The following PAIP1 variants were observed in gnomAD, a reference collection of about 807,000 sequenced individuals.
The protein encoded by PAIP1 is polyadenylate-binding protein-interacting protein 1.
In PAIP1, 16 loss-of-function variants were observed where a neutral mutation model predicts 61.3. That is an observed-to-expected ratio of 0.26 (90% CI 0.18 to 0.40). PAIP1 has a LOEUF of 0.40. Among genes scored for constraint, PAIP1 ranks in the 10% least tolerant of loss-of-function variants. The pLI is 1.00. For missense variants in PAIP1, 416 were observed against 600.9 expected (o/e 0.69, Z 3.22); for synonymous variants, 187 against 226.2 (o/e 0.83, Z 1.56).
intron 4 of PAIP1, among the ~76,000 whole-genome samples, chr5:43,539,239 A>C (rs192350271): frequency 6.7e-6 from 1 of 149,180 alleles, no homozygotes; most frequent in East Asian, 2.0e-4. Flanking sequence ...CCAGTTTGAA[A>C]AAACTGATAG....
chr5:43,535,501 T>G, intron 7 of PAIP1, 33 bp downstream of exon 7: 1 of 1,144,870 alleles, frequency 8.7e-7, no homozygotes, highest in Non-Finnish European at 1.3e-6. Context: ...GAAATTGAGA[T>G]GCACTGGCTA....
chr5:43,550,246 G>C (rs1747808232), intron 2 of PAIP1, among the ~76,000 whole-genome samples: 2 of 152,100 alleles, frequency 1.3e-5, no homozygotes, highest in African/African-American at 2.4e-5. Context: ...TAATGTTGAT[G>C]CATTTATTTA....
intron 4 of PAIP1, among the ~76,000 whole-genome samples, chr5:43,539,682 C>T (rs9292885): frequency 0.018 from 2,716 of 152,156 alleles, 85 homozygotes; most frequent in African/African-American, 0.058. Context: ...CTCTCTTTGC[C>T]CCTGACTTGA....
At position 43,556,794 on chromosome 5, in the gene PAIP1, C is replaced by A. The variant is rs769283075; in HGVS notation, c.53G>T (p.Gly18Val). ...AGGCCCGCCCCCTCCGCGGCCCAGG[C>A]CCCGGCTCCGGCCCCGACCAGCACC... ...APGAGRGRSR[G>V]LGRGGGGPEG... Residue 18 changes from glycine to valine, a missense_variant, in exon 1 of 11, where the codon GGC becomes GTC. Transcript: ENST00000306846. The A allele has an allele frequency of 5.5e-6, 8 of 1,453,438 alleles. No individual in the cohort carries two copies. The South Asian group carries it at 1.1e-4, about 20-fold the overall frequency. 90.0% of individuals were successfully genotyped at this position (1,453,438 alleles called of 1,614,324 possible). A position where few individuals can be genotyped will look rare whatever the true frequency, so the allele number is the denominator to read the frequency against.
chr5:43,555,831 G>A lies in PAIP1; in HGVS notation c.434C>T (p.Thr145Ile), dbSNP rs2111611609. 6.2e-7 allele frequency: 1 copy of A among 1,608,084 alleles called. No homozygotes were observed. The highest frequency in any genetic ancestry group is 2.2e-5 in the East Asian group (1 of 44,838). Residue 145 changes from threonine (T) to isoleucine (I), a missense_variant and splice_region_variant, in exon 2 of 11, where the codon ACA becomes ATA. By Grantham distance (89) the Thr-to-Ile change is moderately conservative. Transcript: ENST00000306846. ...FYPSGYSSSY[T>I]ESYEDGCEDY... ...TTGTAGGAAAAAGGGTGTACTTACTGTGTAACTGGAAGAATAACCTGAAGG... is the reference window on the plus strand; with the variant it reads ...TTGTAGGAAAAAGGGTGTACTTACTATGTAACTGGAAGAATAACCTGAAGG...
intron 3 of PAIP1, 57 bp from the exon 4 acceptor site, chr5:43,543,173 A>G: frequency 1.2e-6 from 1 of 835,538 alleles, no homozygotes; most frequent in Non-Finnish European, 2.0e-6. Context: ...TAATGTAAAT[A>G]CTTAACAGCA....
intron 9 of PAIP1, among the ~76,000 whole-genome samples, chr5:43,531,656 C>CAAAAAAAAAAGAAAAAAAA (rs1746937334): frequency 1.7e-5 from 1 of 59,868 alleles, no homozygotes; most frequent in Non-Finnish European, 3.4e-5. Context: ...GACTCTGTCT[C>CAAAAAAAAAAGAAAAAAAA]AAAAAAAAAA....
chr5:43,538,637 C>G (rs531525389), intron 5 of PAIP1, among the ~76,000 whole-genome samples: 1 of 152,246 alleles, frequency 6.6e-6, no homozygotes, highest in East Asian at 1.9e-4. Context: ...AAAGGTATCA[C>G]TGTTGATATC....
At chr5:43,546,786 A>G (rs943366009) in intron 3 of PAIP1, among the ~76,000 whole-genome samples, 5 of 151,940 alleles carry the variant, frequency 3.3e-5, no homozygotes, top group Non-Finnish European at 5.9e-5. Flanking sequence ...CATGTCTGTA[A>G]AATCCCAGCA....
intron 10 of PAIP1, among the ~76,000 whole-genome samples, chr5:43,527,679 T>A (rs1307465571): frequency 6.6e-6 from 1 of 152,204 alleles, no homozygotes; most frequent in Non-Finnish European, 1.5e-5. Flanking sequence ...GTCCCTTGTG[T>A]GTGAAATTAT....
At chr5:43,555,638 C>A (rs899048217) in intron 2 of PAIP1, among the ~76,000 whole-genome samples, 192 bp downstream of exon 2, 1 of 152,196 alleles carries the variant, frequency 6.6e-6, no homozygotes. Flanking sequence ...ATTCTAATAC[C>A]TTGAATATAA....
At chr5:43,548,029 T>G (rs751818457) in intron 2 of PAIP1, 116 bp from the exon 3 acceptor site, 12 of 610,616 alleles carry the variant, frequency 2.0e-5, no homozygotes, top group Non-Finnish European at 3.1e-5. Context: ...TAAAAATTTA[T>G]GTTCATCAAT....
intron 2 of PAIP1, among the ~76,000 whole-genome samples, chr5:43,551,419 G>A (rs545020167): frequency 9.2e-5 from 14 of 152,202 alleles, no homozygotes; most frequent in African/African-American, 3.4e-4. Flanking sequence ...GAAAACAAGA[G>A]ACAACAGTAC....
At chr5:43,541,829 G>A (rs1747426617) in intron 4 of PAIP1, among the ~76,000 whole-genome samples, 1 of 151,684 alleles carries the variant, frequency 6.6e-6, no homozygotes, top group East Asian at 1.9e-4. Flanking sequence ...AGCAAGACTT[G>A]TGTAATTTCA....
intron 9 of PAIP1, among the ~76,000 whole-genome samples, chr5:43,532,796 CAA>C (rs1746992186): frequency 6.6e-6 from 1 of 152,062 alleles, no homozygotes; most frequent in African/African-American, 2.4e-5. Flanking sequence ...GAAATATGAA[CAA>C]AGAGTATTAG....
chr5:43,528,879 T>G (rs1283898070), intron 10 of PAIP1, among the ~76,000 whole-genome samples: 2 of 152,190 alleles, frequency 1.3e-5, no homozygotes, highest in African/African-American at 4.8e-5. Flanking sequence ...CTGGTCCTTC[T>G]ATAAGAAAAT....
intron 9 of PAIP1, among the ~76,000 whole-genome samples, chr5:43,532,495 C>G (rs1746981635): frequency 6.6e-6 from 1 of 151,962 alleles, no homozygotes; most frequent in Non-Finnish European, 1.5e-5. Context: ...TGATATCATC[C>G]TATATAAAAA....
Position 43,538,948 on chromosome 5 carries a change from C to T in PAIP1, c.822G>A (p.Leu274=), listed in dbSNP as rs768156670. The change falls in exon 5 of 11, where the codon CTG becomes CTA. Residue 274 remains leucine, a synonymous_variant. Coordinates refer to ENST00000306846, the MANE Select transcript of PAIP1 (RefSeq NM_006451.5). ...CCTCCAGGTTAAGATAAAGTTCTCCCAGAAAGAGTACAAATGCATGAAATC... is the reference window on the plus strand; with the variant it reads ...CCTCCAGGTTAAGATAAAGTTCTCCTAGAAAGAGTACAAATGCATGAAATC... The part of the protein sequence containing the change: ...RKRFHAFVLF[L]GELYLNLEIK... 2 of 1,607,854 alleles carry T rather than the reference C, an allele frequency of 1.2e-6. No homozygotes were observed. The highest frequency in any genetic ancestry group is 1.7e-6 in the Non-Finnish European group (2 of 1,175,934).
At chr5:43,539,420 T>A (rs1440201773) in intron 4 of PAIP1, among the ~76,000 whole-genome samples, 1 of 151,742 alleles carries the variant, frequency 6.6e-6, no homozygotes, top group Non-Finnish European at 1.5e-5. Flanking sequence ...AATTTTTTTT[T>A]TAATACTACA....
Sources: gnomAD v4.1 joint callset for allele counts (sites outside exome capture counted in the v4.1 genomes callset) on GRCh38, gnomAD v4.1.1 for gene constraint, MANE v1.5 for transcripts, NCBI Gene and HGNC (gene_info 2026-07-23, HGNC 2026-07-21) for gene names.